NCKAP5: variants seen among roughly 807,000 people sequenced by gnomAD.
NCKAP5 encodes NCK associated protein 5.
In NCKAP5, 92 loss-of-function variants were observed where a neutral mutation model predicts 167.0. The ratio of observed to expected loss-of-function variants is 0.55; its 90% confidence interval spans 0.47 to 0.66. The LOEUF is 0.66. NCKAP5 is among the 30% of genes least tolerant of loss of function. The pLI, the probability that NCKAP5 is intolerant of heterozygous loss-of-function variation, is 0.00. For synonymous variants in NCKAP5, 891 were observed against 877.4 expected (o/e 1.02, Z -0.27); for missense variants, 2,378 against 2,315.0 (o/e 1.03, Z -0.56).
intron 3 of NCKAP5, among the ~76,000 whole-genome samples, chr2:133,317,339 A>T (rs966055551): frequency 4.9e-4 from 75 of 152,154 alleles, no homozygotes; most frequent in African/African-American, 1.7e-3. Context: ...CCTCTTGGGC[A>T]ATCGTCTGTG....
At chr2:133,467,318 A>G (rs1252602486) in intron 3 of NCKAP5, among the ~76,000 whole-genome samples, 1 of 151,932 alleles carries the variant, frequency 6.6e-6, no homozygotes, top group East Asian at 1.9e-4. Flanking sequence ...ACATTTATTG[A>G]TTTGCATATA....
the NCKAP5 span, among the ~76,000 whole-genome samples, chr2:133,661,298 A>G: frequency 6.6e-4 from 101 of 151,976 alleles, no homozygotes; most frequent in African/African-American, 1.7e-3. Context: ...AACCTGGAAA[A>G]CTCTTAGACA....
intron 4 of NCKAP5, among the ~76,000 whole-genome samples, chr2:133,273,442 G>C (rs2089599687): frequency 6.6e-6 from 1 of 151,766 alleles, no homozygotes; most frequent in African/African-American, 2.4e-5. Flanking sequence ...CACAAAACTT[G>C]AAAAAATACA....
chr2:133,373,460 C>T (rs1685937509), intron 3 of NCKAP5, among the ~76,000 whole-genome samples: 2 of 152,214 alleles, frequency 1.3e-5, no homozygotes, highest in African/African-American at 2.4e-5. Context: ...GATAGAAAGA[C>T]TGAGTATTGT....
chr2:133,586,515 T>A, the NCKAP5 span, among the ~76,000 whole-genome samples: 1 of 152,086 alleles, frequency 6.6e-6, no homozygotes, highest in East Asian at 1.9e-4. Flanking sequence ...GGAAAAGAGG[T>A]AACAGGTCAT....
the NCKAP5 span, among the ~76,000 whole-genome samples, chr2:133,646,983 A>G: frequency 1.3e-3 from 202 of 152,282 alleles, 1 homozygote; most frequent in African/African-American, 4.6e-3. Flanking sequence ...AAGTTATAAA[A>G]AGGGAAAAGA....
intron 4 of NCKAP5, among the ~76,000 whole-genome samples, chr2:133,269,541 C>A (rs2089415209): frequency 6.6e-6 from 1 of 152,034 alleles, no homozygotes; most frequent in Non-Finnish European, 1.5e-5. Context: ...TATGATTGCA[C>A]CTGGCAAGGT....
chr2:133,328,737 A>C (rs1218650199), intron 3 of NCKAP5, among the ~76,000 whole-genome samples: 1 of 152,174 alleles, frequency 6.6e-6, no homozygotes, highest in Non-Finnish European at 1.5e-5. Flanking sequence ...ATATAATGAA[A>C]AAAATATATA....
chr2:133,484,023 TG>T (rs1256509380), intron 3 of NCKAP5, among the ~76,000 whole-genome samples: 2 of 152,202 alleles, frequency 1.3e-5, no homozygotes, highest in Non-Finnish European at 2.9e-5. Flanking sequence ...GAAGCCTGGA[TG>T]GGGAATCATT....
At chr2:133,003,643 T>A (rs2077862213) in intron 6 of NCKAP5, among the ~76,000 whole-genome samples, 1 of 152,164 alleles carries the variant, frequency 6.6e-6, no homozygotes, top group African/African-American at 2.4e-5. Flanking sequence ...AACAGAAACT[T>A]ACTCTGGATA....
At chr2:133,571,029 A>T (rs532154284), upstream of NCKAP5, among the ~76,000 whole-genome samples, 3 of 152,320 alleles carry the variant, frequency 2.0e-5, no homozygotes, top group African/African-American at 7.2e-5. Flanking sequence ...AAAGTCCAAG[A>T]AAAAGAATGA....
intron 11 of NCKAP5, among the ~76,000 whole-genome samples, chr2:132,803,963 G>A (rs1053039278): frequency 6.6e-6 from 1 of 152,222 alleles, no homozygotes; most frequent in African/African-American, 2.4e-5. Flanking sequence ...GTGGAGGCCA[G>A]TGTATTAACC....
At chr2:132,858,942 A>G (rs976064800) in intron 11 of NCKAP5, among the ~76,000 whole-genome samples, 4 of 152,206 alleles carry the variant, frequency 2.6e-5, no homozygotes, top group African/African-American at 9.7e-5. Flanking sequence ...TCAAGTTACA[A>G]CAGGCAGAAC....
chr2:133,647,713 AAAGGAAGG>A, the NCKAP5 span, among the ~76,000 whole-genome samples: 41 of 85,762 alleles, frequency 4.8e-4, no homozygotes, highest in Admixed American at 4.7e-3. Flanking sequence ...AAAGAAAAAG[AAAGGAAGG>A]AAGGAAGGAA....
chr2:133,313,775 A>G (rs912675773), intron 3 of NCKAP5, among the ~76,000 whole-genome samples: 3 of 152,210 alleles, frequency 2.0e-5, no homozygotes, highest in African/African-American at 7.2e-5. Flanking sequence ...ATAAAAATAC[A>G]AATGACATAA....
intron 5 of NCKAP5, among the ~76,000 whole-genome samples, chr2:133,213,505 A>G (rs188995064): frequency 8.5e-5 from 13 of 152,298 alleles, no homozygotes; most frequent in African/African-American, 2.6e-4. Flanking sequence ...CATCTTATTT[A>G]AAGCCTCATT....
intron 3 of NCKAP5, among the ~76,000 whole-genome samples, chr2:133,434,791 AT>A (rs1055426794): frequency 6.6e-5 from 10 of 152,010 alleles, no homozygotes; most frequent in African/African-American, 1.9e-4. Context: ...TTCCACCAAT[AT>A]TTTTTTTAAA....
chr2:132,771,719 C>G (rs1317934073), intron 16 of NCKAP5, among the ~76,000 whole-genome samples: 1 of 151,418 alleles, frequency 6.6e-6, no homozygotes, highest in Non-Finnish European at 1.5e-5. Context: ...GTCACCCAGG[C>G]TAGAGTGCAT....
At chr2:133,129,927 T>C (rs1457311376) in intron 6 of NCKAP5, 51 bp downstream of exon 6, 2 of 1,525,936 alleles carry the variant, frequency 1.3e-6, no homozygotes, top group Non-Finnish European at 1.8e-6. Flanking sequence ...GTGTTACTGG[T>C]GCAGAGAGAG....
Sources: gnomAD v4.1 joint callset for allele counts (sites outside exome capture counted in the v4.1 genomes callset) on GRCh38, gnomAD v4.1.1 for gene constraint, MANE v1.5 for transcripts, NCBI Gene and HGNC (gene_info 2026-07-23, HGNC 2026-07-21) for gene names.